Variants in CLDN10 observed in about 807,000 individuals in gnomAD.
The protein encoded by CLDN10 is claudin-10.
In CLDN10, 15 loss-of-function variants were observed where a neutral mutation model predicts 22.9. The observed-to-expected ratio is 0.65, with a 90% confidence interval of 0.44 to 1.01. The LOEUF (loss-of-function observed/expected upper bound fraction) is 1.01, where lower values mean the gene tolerates loss of function less well. CLDN10 is among the 50% of genes least tolerant of loss of function. The pLI is 0.00. For missense variants in CLDN10, 247 were observed against 287.8 expected (o/e 0.86, Z 1.03); for synonymous variants, 114 against 111.4 (o/e 1.02, Z -0.15).
At chr13:95,497,125 ACT>A (rs1456084018) in intron 1 of CLDN10, 2 of 142,204 alleles carry the variant, frequency 1.4e-5, no homozygotes, top group Non-Finnish European at 3.1e-5. Context: ...CAAAGGAAGC[ACT>A]AAAAAAAAAA....
intron 1 of CLDN10, among the ~76,000 whole-genome samples, chr13:95,538,446 G>A (rs1389514832): frequency 6.6e-6 from 1 of 151,930 alleles, no homozygotes; most frequent in Non-Finnish European, 1.5e-5. Flanking sequence ...CCAACAAACT[G>A]TTTCTATGAA....
chr13:95,436,208 G>A (rs955980757), intron 1 of CLDN10, among the ~76,000 whole-genome samples: 1 of 152,112 alleles, frequency 6.6e-6, no homozygotes, highest in Non-Finnish European at 1.5e-5. Context: ...TTTTGAGACA[G>A]AACCTTGCTT....
intron 1 of CLDN10, among the ~76,000 whole-genome samples, chr13:95,557,953 G>C (rs2043658807): frequency 6.6e-6 from 1 of 152,106 alleles, no homozygotes; most frequent in South Asian, 2.1e-4. Context: ...TTAACCTTTG[G>C]TAAATTCCCG....
chr13:95,503,965 C>A (rs7989967), intron 1 of CLDN10, among the ~76,000 whole-genome samples: 21,476 of 151,982 alleles, frequency 0.14, 1,831 homozygotes, highest in African/African-American at 0.24. Context: ...AAAATGGTTA[C>A]AATAATAAAT....
chr13:95,552,620 G>C (rs570510143), upstream of CLDN10: 29 of 1,175,100 alleles, frequency 2.5e-5, no homozygotes, highest in African/African-American at 3.3e-5. Flanking sequence ...CCCTGGCGCC[G>C]GGTCCGCTGG....
intron 1 of CLDN10, among the ~76,000 whole-genome samples, chr13:95,557,592 A>C (rs2043655307): frequency 6.6e-6 from 1 of 152,182 alleles, no homozygotes; most frequent in Admixed American, 6.5e-5. Flanking sequence ...CGCAAAATTA[A>C]CAAGTTATGG....
chr13:95,446,224 A>C (rs1594523716), intron 1 of CLDN10, among the ~76,000 whole-genome samples: 1 of 152,234 alleles, frequency 6.6e-6, no homozygotes, highest in Non-Finnish European at 1.5e-5. Context: ...AAGAGGCTGT[A>C]GAACCCCTTC....
chr13:95,576,216 A>G (rs1366644354), intron 3 of CLDN10, among the ~76,000 whole-genome samples: 1 of 152,118 alleles, frequency 6.6e-6, no homozygotes, highest in Non-Finnish European at 1.5e-5. Flanking sequence ...TGAGGAAGGA[A>G]CTAACCCTGG....
intron 1 of CLDN10, among the ~76,000 whole-genome samples, chr13:95,525,243 T>A (rs2043268627): frequency 6.6e-6 from 1 of 152,212 alleles, no homozygotes; most frequent in Non-Finnish European, 1.5e-5. Context: ...TCCTAATGAC[T>A]AATGATGTTG....
intron 1 of CLDN10, among the ~76,000 whole-genome samples, chr13:95,488,950 C>CTTTTTTTTTTTTTTTT: frequency 9.0e-6 from 1 of 110,750 alleles, no homozygotes; most frequent in Non-Finnish European, 1.7e-5. Flanking sequence ...ACTTTTTGTT[C>CTTTTTTTTTTTTTTTT]TTTTTTTTTT....
At chr13:95,474,559 C>G (rs2042666676) in intron 1 of CLDN10, among the ~76,000 whole-genome samples, 1 of 152,152 alleles carries the variant, frequency 6.6e-6, no homozygotes, top group South Asian at 2.1e-4. Flanking sequence ...CCACCTCAGT[C>G]AGGGAAGATA....
chr13:95,558,165 T>C (rs917862208), intron 1 of CLDN10, among the ~76,000 whole-genome samples: 12 of 152,198 alleles, frequency 7.9e-5, no homozygotes, highest in African/African-American at 2.9e-4. Context: ...GAAACCACAC[T>C]GTCCGAGTAG....
upstream of CLDN10, among the ~76,000 whole-genome samples, chr13:95,552,112 T>C (rs995097042): frequency 6.6e-5 from 10 of 152,352 alleles, no homozygotes; most frequent in Admixed American, 1.3e-4. Context: ...CGTTTTGCCA[T>C]GACTTTCCGC....
intron 1 of CLDN10, among the ~76,000 whole-genome samples, chr13:95,488,839 A>T (rs2042835401): frequency 6.6e-6 from 1 of 152,124 alleles, no homozygotes; most frequent in Non-Finnish European, 1.5e-5. Context: ...TGCTGCTGTA[A>T]ACATGCATAT....
At chr13:95,439,381 A>G (rs989253260) in intron 1 of CLDN10, among the ~76,000 whole-genome samples, 4 of 146,814 alleles carry the variant, frequency 2.7e-5, no homozygotes, top group Non-Finnish European at 6.0e-5. Flanking sequence ...GTCTTGTTCT[A>G]TTGCCCAGGT....
At chr13:95,459,418 C>T (rs1173847907) in intron 1 of CLDN10, among the ~76,000 whole-genome samples, 1 of 152,204 alleles carries the variant, frequency 6.6e-6, no homozygotes, top group Non-Finnish European at 1.5e-5. Context: ...GACATCTGGG[C>T]ATTTCCATAC....
intron 1 of CLDN10, among the ~76,000 whole-genome samples, chr13:95,547,009 T>G (rs894588191): frequency 7.2e-5 from 11 of 151,752 alleles, no homozygotes; most frequent in Non-Finnish European, 1.3e-4. Context: ...TCCTAGCTCA[T>G]GCTCCCAAAG....
chr13:95,525,017 G>A (rs759853309), intron 1 of CLDN10, among the ~76,000 whole-genome samples: 1 of 151,396 alleles, frequency 6.6e-6, no homozygotes, highest in East Asian at 1.9e-4. Flanking sequence ...GTGCCACAAC[G>A]CCCTGCTAAT....
At chr13:95,565,766 C>A (rs548304629) in intron 3 of CLDN10, among the ~76,000 whole-genome samples, 2 of 151,566 alleles carry the variant, frequency 1.3e-5, no homozygotes, top group African/African-American at 4.8e-5. Flanking sequence ...CTAATGCTAT[C>A]CCTCCCCCAG....
Sources: allele counts gnomAD v4.1 joint callset (sites outside exome capture counted in the v4.1 genomes callset), GRCh38; gene constraint gnomAD v4.1.1; transcripts MANE v1.5; gene names NCBI Gene and HGNC (gene_info 2026-07-23, HGNC 2026-07-21).